DNM3: variants seen among roughly 807,000 people sequenced by gnomAD.
DNM3 encodes the protein dynamin-3.
A neutral mutation model predicts 101.6 loss-of-function variants in DNM3; 47 were observed. The ratio of observed to expected loss-of-function variants is 0.46; its 90% CI spans 0.37 to 0.59. The LOEUF is 0.59. Ranked by LOEUF, DNM3 falls within the 20% of genes least tolerant of loss-of-function variation. The pLI, the probability that DNM3 is intolerant of heterozygous loss-of-function variation, is 0.00. For synonymous variants in DNM3, 385 were observed against 387.9 expected, an observed-to-expected ratio of 0.99 and a Z score of 0.09; for missense variants, 849 against 1,085.7, an observed-to-expected ratio of 0.78 and a Z score of 3.06.
At chr1:172,050,608 G>T (rs2050138469) in intron 10 of DNM3, among the ~76,000 whole-genome samples, 1 of 152,210 alleles carries the variant, frequency 6.6e-6, no homozygotes, top group Non-Finnish European at 1.5e-5. Flanking sequence ...GCAAGGTAAT[G>T]AAAAGAATGT....
At chr1:172,188,461 C>T (rs2059596169) in intron 14 of DNM3, among the ~76,000 whole-genome samples, 1 of 152,084 alleles carries the variant, frequency 6.6e-6, no homozygotes, top group Admixed American at 6.6e-5. Flanking sequence ...ACCACTAGAC[C>T]ACAGGGTGGA....
intron 2 of DNM3, among the ~76,000 whole-genome samples, chr1:171,962,978 C>T (rs1435170649): frequency 3.3e-5 from 5 of 152,102 alleles, no homozygotes; most frequent in Admixed American, 6.6e-5. Flanking sequence ...GACAGTTCAG[C>T]GGTTTCTTAG....
chr1:172,004,228 T>C (rs2046532670), intron 4 of DNM3, among the ~76,000 whole-genome samples: 1 of 152,026 alleles, frequency 6.6e-6, no homozygotes, highest in East Asian at 1.9e-4. Flanking sequence ...TGTGTTCCTA[T>C]AAAGAGAAGA....
At chr1:172,018,011 A>T (rs1488421850) in intron 4 of DNM3, among the ~76,000 whole-genome samples, 2 of 152,148 alleles carry the variant, frequency 1.3e-5, no homozygotes, top group Non-Finnish European at 2.9e-5. Flanking sequence ...ATGTTAATAT[A>T]GCCAATCCCA....
intron 1 of DNM3, among the ~76,000 whole-genome samples, chr1:171,843,109 A>G (rs1202408028): frequency 6.6e-6 from 1 of 152,140 alleles, no homozygotes; most frequent in Non-Finnish European, 1.5e-5. Context: ...TCCTTTGGAA[A>G]TGTTAGTGTT....
intron 15 of DNM3, among the ~76,000 whole-genome samples, chr1:172,269,955 C>A (rs559159141): frequency 1.8e-4 from 27 of 152,042 alleles, no homozygotes; most frequent in Non-Finnish European, 3.4e-4. Context: ...CTTTGGCCGT[C>A]TTAGAGGCCT....
chr1:172,281,530 C>T (rs753224218), intron 15 of DNM3, among the ~76,000 whole-genome samples: 2 of 152,132 alleles, frequency 1.3e-5, no homozygotes, highest in Non-Finnish European at 2.9e-5. Flanking sequence ...TGGATCAGCT[C>T]TTTGCCTCTA....
intron 11 of DNM3, among the ~76,000 whole-genome samples, chr1:172,071,998 A>AT (rs1007035978): frequency 2.6e-5 from 4 of 151,868 alleles, no homozygotes; most frequent in East Asian, 3.8e-4. Flanking sequence ...CATAGCTTTT[A>AT]TTTTTTTTCC....
chr1:172,248,590 A>T (rs1261806202), intron 14 of DNM3, among the ~76,000 whole-genome samples: 1 of 152,082 alleles, frequency 6.6e-6, no homozygotes, highest in Non-Finnish European at 1.5e-5. Flanking sequence ...GCCTTGAAAT[A>T]AATTTCAAGG....
intron 18 of DNM3, among the ~76,000 whole-genome samples, chr1:172,384,793 A>C (rs1454516341): frequency 6.6e-6 from 1 of 152,202 alleles, no homozygotes; most frequent in Non-Finnish European, 1.5e-5. Flanking sequence ...GTTTCTAAAG[A>C]GCTTAACCCA....
intron 20 of DNM3, chr1:172,389,093 G>T (rs1480953572): frequency 2.2e-6 from 1 of 445,880 alleles, no homozygotes; most frequent in Non-Finnish European, 4.1e-6. Flanking sequence ...GGGAGAATTT[G>T]AGGGCTTTGA....
chr1:171,976,479 T>C (rs1240680226), intron 2 of DNM3, among the ~76,000 whole-genome samples: 2 of 152,204 alleles, frequency 1.3e-5, no homozygotes, highest in Non-Finnish European at 2.9e-5. Flanking sequence ...TCAGCTCTTG[T>C]GAGACTTATT....
chr1:172,213,878 T>C (rs529326105), intron 14 of DNM3, among the ~76,000 whole-genome samples: 2 of 150,258 alleles, frequency 1.3e-5, no homozygotes, highest in African/African-American at 4.9e-5. Flanking sequence ...CCTCTAGAAA[T>C]GATTCTGCAA....
intron 17 of DNM3, among the ~76,000 whole-genome samples, chr1:172,373,074 G>T (rs2068428147): frequency 6.6e-6 from 1 of 151,926 alleles, no homozygotes. Flanking sequence ...TTCTAAAAGT[G>T]TTTATATGGA....
chr1:171,987,352 G>T, intron 2 of DNM3: 1 of 982,892 alleles, frequency 1.0e-6, no homozygotes, highest in Non-Finnish European at 1.2e-6. Context: ...GCTGTTGTTT[G>T]CTTTATCATT....
intron 17 of DNM3, among the ~76,000 whole-genome samples, chr1:172,364,823 CA>C (rs2067925228): frequency 1.3e-5 from 2 of 151,800 alleles, no homozygotes; most frequent in African/African-American, 4.8e-5. Context: ...AAGTATGTGG[CA>C]CCTCCCTGCT....
intron 16 of DNM3, among the ~76,000 whole-genome samples, chr1:172,312,759 G>A (rs764077780): frequency 6.6e-6 from 1 of 152,170 alleles, no homozygotes; most frequent in Non-Finnish European, 1.5e-5. Flanking sequence ...TAATAGGAAT[G>A]CTAAGCCTAG....
chr1:171,965,897 AG>A (rs1172460487), intron 2 of DNM3, among the ~76,000 whole-genome samples: 1 of 152,174 alleles, frequency 6.6e-6, no homozygotes, highest in African/African-American at 2.4e-5. Context: ...CTCTGGCAAC[AG>A]GGGTCAATGA....
chr1:172,273,892 A>T (rs2063177481), intron 15 of DNM3, among the ~76,000 whole-genome samples: 1 of 152,106 alleles, frequency 6.6e-6, no homozygotes, highest in Admixed American at 6.6e-5. Flanking sequence ...GTGAAATGGC[A>T]GTTATGCAAT....
Sources: gnomAD v4.1 joint callset for allele counts (sites outside exome capture counted in the v4.1 genomes callset) on GRCh38, gnomAD v4.1.1 for gene constraint, MANE v1.5 for transcripts, NCBI Gene and HGNC (gene_info 2026-07-23, HGNC 2026-07-21) for gene names.